The following ZNF713 variants were observed in gnomAD, a reference collection of about 807,000 sequenced individuals.
The protein encoded by ZNF713 is zinc finger protein 713.
A neutral mutation model predicts 28.7 loss-of-function variants in ZNF713; 21 were observed. That is an observed-to-expected ratio of 0.73 (90% confidence interval 0.52 to 1.05). ZNF713 has a LOEUF of 1.05. Ranked by LOEUF, ZNF713 falls within the 50% of genes least tolerant of loss-of-function variation. The pLI is 0.00. For synonymous variants in ZNF713, 167 were observed against 178.0 expected (o/e 0.94, Z 0.49); for missense variants, 458 against 532.4 (o/e 0.86, Z 1.37).
intron 2 of ZNF713, among the ~76,000 whole-genome samples, chr7:55,907,135 C>T (rs1785693806): frequency 6.6e-6 from 1 of 152,086 alleles, no homozygotes; most frequent in African/African-American, 2.4e-5. Context: ...TGTTCCTTCC[C>T]TGTTTGCTTC....
intron 6 of ZNF713, among the ~76,000 whole-genome samples, chr7:55,929,914 A>C (rs1786178357): frequency 6.6e-6 from 1 of 152,228 alleles, no homozygotes; most frequent in Non-Finnish European, 1.5e-5. Flanking sequence ...GCATGGTATA[A>C]AATAATAATT....
At chr7:55,915,419 A>T (rs1785863949) in intron 4 of ZNF713, among the ~76,000 whole-genome samples, 1 of 152,170 alleles carries the variant, frequency 6.6e-6, no homozygotes, top group African/African-American at 2.4e-5. Flanking sequence ...GACATCACTG[A>T]GAAAAATAGA....
intron 2 of ZNF713, among the ~76,000 whole-genome samples, chr7:55,911,124 C>G (rs1785774776): frequency 6.6e-6 from 1 of 152,150 alleles, no homozygotes; most frequent in Non-Finnish European, 1.5e-5. Flanking sequence ...CTCACAGGAC[C>G]ATTTCACTGG....
At chr7:55,921,083 T>G (rs1785981979) in intron 4 of ZNF713, among the ~76,000 whole-genome samples, 1 of 152,174 alleles carries the variant, frequency 6.6e-6, no homozygotes, top group Non-Finnish European at 1.5e-5. Context: ...AAGTCTACTT[T>G]GCCTGTGCGC....
rs1554334598 is a variant in ZNF713 at position 55,887,625 on chromosome 7, G to GCGGCGA, written c.-633_-632insACGGCG. The GCGGCGA allele has an allele frequency of 7.8e-5, 15 of 192,254 alleles. No homozygotes were observed. 11.9% of individuals were successfully genotyped at this position (192,254 alleles called of 1,614,324 possible). A position where few individuals can be genotyped will look rare whatever the true frequency, so the allele number is the denominator to read the frequency against. ...CGCGGCGGCGGCGGCGGCGGCGGCG[G>GCGGCGA]CGGCGGCGGCGGCGTCAGGGGGCGG... is the stretch of plus-strand genomic sequence containing the variant. On this transcript the variant is annotated 5_prime_UTR_variant, in exon 1 of 7. Transcript: ENST00000429591.
At chr7:55,935,976 TGA>T (rs927760350) in intron 6 of ZNF713, among the ~76,000 whole-genome samples, 19 of 141,976 alleles carry the variant, frequency 1.3e-4, no homozygotes, top group African/African-American at 4.5e-4. Flanking sequence ...GAGAAAGATC[TGA>T]GAGAGGCCAG....
chr7:55,940,048 A>AT lies in ZNF713; in HGVS notation c.*48dup, dbSNP rs774720454. On this transcript the variant is annotated 3_prime_UTR_variant, in exon 7 of 7. Transcript: ENST00000429591. ...TCAGATAAATATATAAATGTAGGAGATTTTTTGGTCAGACCTTTTTATCCC... is the reference window on the plus strand; with the variant it reads ...TCAGATAAATATATAAATGTAGGAGATTTTTTTGGTCAGACCTTTTTATCCC... The AT allele has an allele frequency of 8.6e-6, 13 of 1,512,362 alleles. No homozygotes were observed. Among genetic ancestry groups the AT allele is most frequent in the Non-Finnish European group, 1.1e-5 (12 of 1,133,210 alleles). The allele number at this position is 1,512,362 out of a possible 1,614,324, so 93.7% of individuals were successfully genotyped here. A position where few individuals can be genotyped will look rare whatever the true frequency, so the allele number is the denominator to read the frequency against.
intron 4 of ZNF713, among the ~76,000 whole-genome samples, chr7:55,919,176 C>T (rs1187525792): frequency 1.3e-5 from 2 of 152,116 alleles, no homozygotes. Context: ...ACAATGAATT[C>T]CTGAGTTTGA....
intron 1 of ZNF713, among the ~76,000 whole-genome samples, chr7:55,889,497 T>C (rs1785339623): frequency 6.6e-6 from 1 of 152,240 alleles, no homozygotes; most frequent in South Asian, 2.1e-4. Context: ...GAACACTTAG[T>C]AGGTTGTAGC....
At chr7:55,923,461 T>G (rs776088658) in intron 5 of ZNF713, 146 bp from the exon 6 acceptor site, 18 of 1,074,898 alleles carry the variant, frequency 1.7e-5, no homozygotes, top group Non-Finnish European at 2.1e-5. Context: ...ATGGAATGTC[T>G]TGATTGAGTT....
intron 1 of ZNF713, among the ~76,000 whole-genome samples, chr7:55,897,335 A>T (rs1039828137): frequency 7.3e-5 from 11 of 151,000 alleles, no homozygotes; most frequent in Non-Finnish European, 1.5e-4. Flanking sequence ...GCTGGAGTGC[A>T]GTGGCATGAT....
At chr7:55,904,768 C>T (rs887979475) in intron 1 of ZNF713, among the ~76,000 whole-genome samples, 1 of 152,046 alleles carries the variant, frequency 6.6e-6, no homozygotes, top group African/African-American at 2.4e-5. Context: ...ACTCTGTCAC[C>T]CAGGCTGGAG....
intron 4 of ZNF713, among the ~76,000 whole-genome samples, chr7:55,915,074 G>A (rs1383585523): frequency 2.0e-5 from 3 of 151,978 alleles, no homozygotes; most frequent in South Asian, 4.1e-4. Context: ...AGGCTAGTCC[G>A]CCCCCATCAG....
chr7:55,887,965 C>T (rs774480142), intron 1 of ZNF713, among the ~76,000 whole-genome samples: 1 of 150,564 alleles, frequency 6.6e-6, no homozygotes, highest in Non-Finnish European at 1.5e-5. Context: ...CTGTCACCCG[C>T]CCCGTGTCCC....
intron 1 of ZNF713, among the ~76,000 whole-genome samples, chr7:55,892,286 A>AG (rs1389948980): frequency 9.3e-6 from 1 of 107,124 alleles, no homozygotes; most frequent in African/African-American, 3.1e-5. Flanking sequence ...TCAAAAAAAA[A>AG]AAAAAAAAAA....
intron 4 of ZNF713, among the ~76,000 whole-genome samples, chr7:55,912,954 C>G (rs1785812022): frequency 6.6e-6 from 1 of 152,278 alleles, no homozygotes; most frequent in South Asian, 2.1e-4. Context: ...CCTGCCTGTT[C>G]TGGACGCTGT....
In ZNF713 at chr7:55,890,216, G is replaced by A. The variant is rs569380975; in HGVS notation, c.-583+2536G>A. On this transcript the variant is annotated intron_variant, in intron 1 of 6. Coordinates refer to ENST00000429591, the MANE Select transcript of ZNF713 (RefSeq NM_182633.3). Reference sequence around the variant, plus strand: ...TGTAATCCCAGCACTTTGGAAGGCCGAGGCAGGTGGATCACCTGAGGTCAG... The same window carrying A: ...TGTAATCCCAGCACTTTGGAAGGCCAAGGCAGGTGGATCACCTGAGGTCAG... 6.6e-5 allele frequency among the ~76,000 whole-genome samples: 10 copies of A among 152,158 alleles called. No individual in the cohort carries two copies. The East Asian group carries it at 7.7e-4, about 12-fold the overall frequency.
chr7:55,918,188 T>C (rs1785921780), intron 4 of ZNF713: 11 of 448,520 alleles, frequency 2.5e-5, no homozygotes, highest in South Asian at 1.7e-4. Context: ...CCGACCACCT[T>C]GTCAGGAGGA....
At chr7:55,908,880 A>G (rs192024393) in intron 2 of ZNF713, among the ~76,000 whole-genome samples, 5 of 152,056 alleles carry the variant, frequency 3.3e-5, no homozygotes, top group African/African-American at 1.2e-4. Context: ...GTCTTAATGT[A>G]ATACATCTTG....
Sources: allele counts gnomAD v4.1 joint callset (sites outside exome capture counted in the v4.1 genomes callset), GRCh38; gene constraint gnomAD v4.1.1; transcripts MANE v1.5; gene names NCBI Gene and HGNC (gene_info 2026-07-23, HGNC 2026-07-21).